The following WDR44 variants were observed in gnomAD, a reference collection of about 807,000 sequenced individuals.
The protein encoded by WDR44 is WD repeat-containing protein 44.
Under a neutral mutation model 65.7 loss-of-function variants are expected in WDR44, and 9 were observed. That is an observed-to-expected ratio of 0.14 (90% CI 0.08 to 0.24). WDR44 has a LOEUF of 0.24. Ranked by LOEUF, WDR44 falls within the 10% of genes least tolerant of loss-of-function variation. The pLI, the probability that WDR44 is intolerant of heterozygous loss-of-function variation, is 1.00. For missense variants in WDR44, 425 were observed against 670.9 expected, an observed-to-expected ratio of 0.63 and a Z score of 4.05; for synonymous variants, 220 against 235.2, an observed-to-expected ratio of 0.94 and a Z score of 0.59.
At chrX:118,367,767 C>T (rs964241381) in intron 1 of WDR44, among the ~76,000 whole-genome samples, 1 of 111,379 alleles carries the variant, frequency 9.0e-6, no homozygotes, top group Non-Finnish European at 1.9e-5. Flanking sequence ...ATTTCCCTCA[C>T]ATGTAAAATG....
intron 1 of WDR44, among the ~76,000 whole-genome samples, chrX:118,375,616 A>C (rs1422353276): frequency 5.4e-5 from 6 of 110,726 alleles, no homozygotes; most frequent in Non-Finnish European, 9.5e-5. Flanking sequence ...ATTTGTGTGG[A>C]ATCTTCTTTC....
intron 15 of WDR44, among the ~76,000 whole-genome samples, 190 bp downstream of exon 15, chrX:118,441,749 A>T (rs931185757): frequency 4.5e-5 from 5 of 110,227 alleles, no homozygotes; most frequent in Non-Finnish European, 7.6e-5. Context: ...TTTAAAAAAA[A>T]TTTTTTTTTG....
intron 14 of WDR44, among the ~76,000 whole-genome samples, chrX:118,438,882 G>C (rs902947359): frequency 8.6e-5 from 8 of 93,223 alleles, no homozygotes; most frequent in South Asian, 6.4e-4. Flanking sequence ...TCCACCTCCC[G>C]AGTTCAAGCA....
Position 118,346,388 on chromosome X carries a change from C to T in WDR44, c.-116C>T. ...CGCTACAGATCGTCTGCTCCCTCAG[C>T]CTCGCCCGAGACCCACTTCCCCAGT... On this transcript the variant is annotated 5_prime_UTR_variant, in exon 1 of 20. Coordinates refer to ENST00000254029, the MANE Select transcript of WDR44 (RefSeq NM_019045.5). The T allele has an allele frequency of 1.6e-6, 1 of 621,979 alleles. No homozygotes were observed. The allele number at this position is 621,979 out of a possible 1,213,427, so 51.3% of individuals were successfully genotyped here.
intron 12 of WDR44, among the ~76,000 whole-genome samples, chrX:118,429,030 C>A (rs1185562095): frequency 2.7e-5 from 3 of 110,090 alleles, no homozygotes; most frequent in East Asian, 5.8e-4. Context: ...GGGAGGGGAA[C>A]AACACACAGT....
At chrX:118,365,847 A>C (rs1316484009) in intron 1 of WDR44, among the ~76,000 whole-genome samples, 1 of 112,313 alleles carries the variant, frequency 8.9e-6, no homozygotes, top group Non-Finnish European at 1.9e-5. Flanking sequence ...AACAGTGTTT[A>C]AGAAATTTGT....
chrX:118,387,318 A>C (rs1348248060), intron 2 of WDR44, 22 bp from the exon 3 acceptor site: 1 of 1,123,621 alleles, frequency 8.9e-7, no homozygotes, highest in Non-Finnish European at 1.2e-6. Flanking sequence ...TTTGGTCTCT[A>C]TTTCTTTTCT....
chrX:118,387,160 T>A (rs2056776642), intron 2 of WDR44, among the ~76,000 whole-genome samples, 180 bp from the exon 3 acceptor site: 1 of 84,199 alleles, frequency 1.2e-5, no homozygotes. Context: ...CCAGCCTGGG[T>A]GACAGAGTAA....
chrX:118,409,759 G>A (rs1165203972), intron 11 of WDR44, 132 bp downstream of exon 11: 22 of 635,530 alleles, frequency 3.5e-5, no homozygotes, highest in Non-Finnish European at 4.8e-5. Context: ...TTGAAAGTAA[G>A]ACAGACGTCA....
chrX:118,378,286 G>A (rs928155928), intron 1 of WDR44, 133 bp from the exon 2 acceptor site: 4 of 516,369 alleles, frequency 7.7e-6, no homozygotes, highest in South Asian at 4.1e-5. Context: ...CATTTTCTAC[G>A]TGCACACAAG....
At chrX:118,382,981 C>T (rs2056733103) in intron 2 of WDR44, among the ~76,000 whole-genome samples, 1 of 111,838 alleles carries the variant, frequency 8.9e-6, no homozygotes, top group African/African-American at 3.2e-5. Context: ...GCTTGGCTTC[C>T]ATTCCTTTGT....
intron 1 of WDR44, among the ~76,000 whole-genome samples, chrX:118,352,329 TA>T (rs2056414363): frequency 6.9e-5 from 1 of 14,459 alleles, no homozygotes; most frequent in East Asian, 3.5e-3. Context: ...TATATATATA[TA>T]TATATATATA....
Position 118,439,934 on chromosome X carries a change from A to ACATAGG in WDR44, c.1975-1433_1975-1428dup, listed in dbSNP as rs781423935. Among the ~76,000 whole-genome samples the ACATAGG allele has an allele frequency of 2.7e-3, 289 of 108,835 alleles. 2 individuals are homozygous for ACATAGG. The highest frequency in any genetic ancestry group is 9.4e-3 in the African/African-American group (279 of 29,814). The allele number at this position is 108,835 out of a possible 115,157, so 94.5% of individuals were successfully genotyped here. A position where few individuals can be genotyped will look rare whatever the true frequency, so the allele number is the denominator to read the frequency against. On this transcript the variant is annotated intron_variant, in intron 14 of 19. Coordinates refer to ENST00000254029, the MANE Select transcript of WDR44 (RefSeq NM_019045.5). Reference sequence around the variant, plus strand: ...CAGGAGTTTGAGACTAGCCTGGGCAACATAGGGAGACCCCATTTTTATAAA... The same window carrying ACATAGG: ...CAGGAGTTTGAGACTAGCCTGGGCAACATAGGCATAGGGAGACCCCATTTTTATAAA...
At chrX:118,432,498 G>A (rs1395803875) in intron 12 of WDR44, among the ~76,000 whole-genome samples, 1 of 111,740 alleles carries the variant, frequency 8.9e-6, no homozygotes, top group Admixed American at 9.6e-5. Context: ...CGCTGGTACT[G>A]GCCGTCACCT....
intron 1 of WDR44, among the ~76,000 whole-genome samples, chrX:118,369,570 C>T (rs1314356236): frequency 2.9e-5 from 3 of 103,541 alleles, no homozygotes; most frequent in Middle Eastern, 5.0e-3. Flanking sequence ...CCCAGGTTCA[C>T]GCCATTCTCC....
chrX:118,375,538 A>G (rs1043416206), intron 1 of WDR44, among the ~76,000 whole-genome samples: 43 of 108,642 alleles, frequency 4.0e-4, no homozygotes, highest in Non-Finnish European at 7.3e-4. Context: ...AAAAACAAAC[A>G]GGTTTTTCAT....
At chrX:118,411,329 T>C (rs2057011309) in intron 12 of WDR44, among the ~76,000 whole-genome samples, 1 of 112,153 alleles carries the variant, frequency 8.9e-6, no homozygotes, top group African/African-American at 3.2e-5. Context: ...TCTAATCTTC[T>C]TGGTTTAATA....
chrX:118,392,183 G>A (rs964746589), intron 3 of WDR44, among the ~76,000 whole-genome samples: 1 of 111,705 alleles, frequency 9.0e-6, no homozygotes, highest in African/African-American at 3.3e-5. Flanking sequence ...TTGGATTATC[G>A]TGGTTTGGTT....
At chrX:118,432,445 A>G (rs1344364303) in intron 12 of WDR44, among the ~76,000 whole-genome samples, 1 of 111,725 alleles carries the variant, frequency 9.0e-6, no homozygotes, top group Admixed American at 9.6e-5. Flanking sequence ...CTGGGAAGGG[A>G]AATCAGCTAA....
Sources: allele counts gnomAD v4.1 joint callset (sites outside exome capture counted in the v4.1 genomes callset), GRCh38; gene constraint gnomAD v4.1.1; transcripts MANE v1.5; gene names NCBI Gene and HGNC (gene_info 2026-07-23, HGNC 2026-07-21).